CWF19L2: variants seen among roughly 807,000 people sequenced by gnomAD.
The protein encoded by CWF19L2 is CWF19-like protein 2.
Under a neutral mutation model 111.7 loss-of-function variants are expected in CWF19L2, and 98 were observed. The ratio of observed to expected loss-of-function variants is 0.88; its 90% confidence interval spans 0.75 to 1.04. The LOEUF is 1.04. Among genes scored for constraint, CWF19L2 ranks in the 50% least tolerant of loss-of-function variants. The pLI, the probability that CWF19L2 is intolerant of heterozygous loss-of-function variation, is 0.00. For synonymous variants in CWF19L2, 351 were observed against 342.9 expected (o/e 1.02, Z -0.26); for missense variants, 1,101 against 1,051.4 (o/e 1.05, Z -0.65).
chr11:107,334,491 A>G (rs1859892915), intron 16 of CWF19L2, among the ~76,000 whole-genome samples: 1 of 152,214 alleles, frequency 6.6e-6, no homozygotes, highest in Non-Finnish European at 1.5e-5. Context: ...CAAATTCAAA[A>G]TGGAACATCT....
At chr11:107,344,800 G>A (rs560664979) in intron 14 of CWF19L2, among the ~76,000 whole-genome samples, 2 of 152,302 alleles carry the variant, frequency 1.3e-5, no homozygotes, top group African/African-American at 4.8e-5. Context: ...AGAATTAAGA[G>A]ACTGGATCTT....
intron 12 of CWF19L2, among the ~76,000 whole-genome samples, chr11:107,376,462 A>G (rs1860601210): frequency 1.1e-5 from 1 of 93,706 alleles, no homozygotes; most frequent in Non-Finnish European, 2.0e-5. Context: ...GGTTCAATAT[A>G]CGCAAATCAA....
At chr11:107,338,864 T>C (rs576185493) in intron 14 of CWF19L2, among the ~76,000 whole-genome samples, 12 of 152,344 alleles carry the variant, frequency 7.9e-5, no homozygotes, top group African/African-American at 2.9e-4. Flanking sequence ...TTGTGAATAG[T>C]GCTGCAATGA....
At chr11:107,446,972 G>T (rs973774331) in intron 3 of CWF19L2, among the ~76,000 whole-genome samples, 2 of 151,988 alleles carry the variant, frequency 1.3e-5, no homozygotes, top group Admixed American at 1.3e-4. Flanking sequence ...CTTCTCTTGT[G>T]CAGCCTGCAG....
At chr11:107,442,338 T>C in intron 4 of CWF19L2, among the ~76,000 whole-genome samples, 1 of 152,284 alleles carries the variant, frequency 6.6e-6, no homozygotes, top group African/African-American at 2.4e-5. Context: ...TTTAATCATC[T>C]TTCATTTTCA....
At chr11:107,380,619 C>G (rs887254436) in intron 12 of CWF19L2, among the ~76,000 whole-genome samples, 5 of 152,124 alleles carry the variant, frequency 3.3e-5, no homozygotes. Context: ...TATGTGCATT[C>G]CTAGTGGGAG....
At chr11:107,438,523 T>C (rs1861573324) in intron 6 of CWF19L2, among the ~76,000 whole-genome samples, 1 of 152,238 alleles carries the variant, frequency 6.6e-6, no homozygotes, top group Admixed American at 6.5e-5. Flanking sequence ...AAATGCATTA[T>C]TATGTACTCA....
intron 3 of CWF19L2, among the ~76,000 whole-genome samples, chr11:107,445,639 T>C (rs914033625): frequency 1.3e-5 from 2 of 149,642 alleles, no homozygotes; most frequent in Non-Finnish European, 3.0e-5. Context: ...CTAGATCAGA[T>C]CTTATCTCTC....
chr11:107,375,991 C>A (rs1298481353), intron 12 of CWF19L2, among the ~76,000 whole-genome samples: 1 of 107,814 alleles, frequency 9.3e-6, no homozygotes, highest in Non-Finnish European at 1.8e-5. Context: ...AACACATCTA[C>A]GCAAATAAAC....
intron 14 of CWF19L2, among the ~76,000 whole-genome samples, chr11:107,343,245 A>G (rs759626100): frequency 1.3e-5 from 2 of 151,530 alleles, no homozygotes; most frequent in Non-Finnish European, 2.9e-5. Flanking sequence ...GAATTTGCCT[A>G]TTTCTCCTTT....
chr11:107,412,117 C>A (rs919169206), intron 10 of CWF19L2, among the ~76,000 whole-genome samples: 5 of 152,148 alleles, frequency 3.3e-5, no homozygotes. Context: ...ATTCAGGAAT[C>A]CCCTGAAGTC....
intron 7 of CWF19L2, among the ~76,000 whole-genome samples, chr11:107,432,443 C>T (rs1402184936): frequency 1.3e-5 from 2 of 151,984 alleles, no homozygotes; most frequent in African/African-American, 4.8e-5. Context: ...ATTAGCCAGG[C>T]GTGGTGGTGT....
At chr11:107,347,422 T>C (rs1246189550) in intron 14 of CWF19L2, among the ~76,000 whole-genome samples, 2 of 152,124 alleles carry the variant, frequency 1.3e-5, no homozygotes, top group Non-Finnish European at 2.9e-5. Flanking sequence ...TATTTGAAAG[T>C]AAAATAACAA....
intron 8 of CWF19L2, among the ~76,000 whole-genome samples, chr11:107,427,043 T>C (rs1327936268): frequency 1.3e-5 from 2 of 151,998 alleles, no homozygotes; most frequent in Non-Finnish European, 2.9e-5. Context: ...ATAATACTGG[T>C]GTAAATAACA....
Position 107,439,242 on chromosome 11 carries a change from A to C in CWF19L2, c.571-59T>G. On this transcript the variant is annotated intron_variant, in intron 5 of 17. Coordinates refer to ENST00000282251, the MANE Select transcript of CWF19L2 (RefSeq NM_152434.3). The stretch of plus-strand genomic sequence containing the variant: ...AAAAATTAACAAATTATAAAAAATT[A>C]ACAAATAATAAATCTGAGACCCAGT... 4 of 992,272 alleles carry C rather than the reference A, an allele frequency of 4.0e-6. No homozygotes were observed. In the South Asian group the frequency reaches 4.4e-5, roughly 11 times the overall value. The allele number at this position is 992,272 out of a possible 1,614,324, so 61.5% of individuals were successfully genotyped here. A position where few individuals can be genotyped will look rare whatever the true frequency, so the allele number is the denominator to read the frequency against.
At chr11:107,419,984 TATG>T (rs1861281307) in intron 8 of CWF19L2, among the ~76,000 whole-genome samples, 1 of 151,912 alleles carries the variant, frequency 6.6e-6, no homozygotes, top group South Asian at 2.1e-4. Context: ...GAAGATAGAC[TATG>T]ATAAGTTAAA....
intron 15 of CWF19L2, among the ~76,000 whole-genome samples, chr11:107,335,514 T>A (rs1859909441): frequency 6.6e-6 from 1 of 152,204 alleles, no homozygotes; most frequent in African/African-American, 2.4e-5. Flanking sequence ...TAACTTTGAT[T>A]GCATGCAACT....
chr11:107,361,395 C>T (rs1206771490), intron 12 of CWF19L2, among the ~76,000 whole-genome samples: 1 of 152,158 alleles, frequency 6.6e-6, no homozygotes, highest in Non-Finnish European at 1.5e-5. Context: ...AATCAGATGC[C>T]TGCAGCTTTG....
At chr11:107,332,544 C>T (rs1387907634) in intron 16 of CWF19L2, among the ~76,000 whole-genome samples, 1 of 148,890 alleles carries the variant, frequency 6.7e-6, no homozygotes, top group Non-Finnish European at 1.5e-5. Context: ...AGAATTTACA[C>T]AGTGAAAAAA....
Sources: gnomAD v4.1 joint callset for allele counts (sites outside exome capture counted in the v4.1 genomes callset) on GRCh38, gnomAD v4.1.1 for gene constraint, MANE v1.5 for transcripts, NCBI Gene and HGNC (gene_info 2026-07-23, HGNC 2026-07-21) for gene names.